Variants in SAMM50 observed in about 807,000 individuals in gnomAD.
SAMM50 encodes the protein sorting and assembly machinery component 50 homolog.
A neutral mutation model predicts 66.9 loss-of-function variants in SAMM50; 47 were observed. The ratio of observed to expected loss-of-function variants is 0.70; its 90% CI spans 0.56 to 0.90. The LOEUF is 0.90. Ranked by LOEUF, SAMM50 falls within the 40% of genes least tolerant of loss-of-function variation. The pLI, the probability that SAMM50 is intolerant of heterozygous loss-of-function variation, is 0.00. For missense variants in SAMM50, 535 were observed against 595.3 expected, an observed-to-expected ratio of 0.90 and a Z score of 1.05; for synonymous variants, 191 against 214.1, an observed-to-expected ratio of 0.89 and a Z score of 0.94.
intron 14 of SAMM50, among the ~76,000 whole-genome samples, chr22:43,992,184 C>T (rs2050328307): frequency 6.6e-6 from 1 of 152,194 alleles, no homozygotes; most frequent in Admixed American, 6.5e-5. Context: ...TTTTTACTCT[C>T]TCCGTCTTCC....
At chr22:43,985,610 A>G (rs2050288245) in intron 12 of SAMM50, among the ~76,000 whole-genome samples, 1 of 152,084 alleles carries the variant, frequency 6.6e-6, no homozygotes, top group African/African-American at 2.4e-5. Context: ...GCCGAAGGAC[A>G]GCTTGGTTGC....
chr22:43,996,321 C>T lies in SAMM50; in HGVS notation c.1365-17C>T, dbSNP rs1425181228. On this transcript the variant is annotated splice_polypyrimidine_tract_variant and intron_variant, in intron 14 of 14. Coordinates refer to ENST00000350028, the MANE Select transcript of SAMM50 (RefSeq NM_015380.5). ...TGGCGGAGCGGCCGCCGCATCTGAT[C>T]TCTCCCCTTTTTTTAGGATATGTGA... The T allele has an allele frequency of 1.9e-6, 3 of 1,613,956 alleles. No individual in the cohort carries two copies. The highest frequency in any genetic ancestry group is 2.5e-6 in the Non-Finnish European group (3 of 1,179,872).
chr22:43,981,899 T>A (rs762188712), intron 11 of SAMM50, among the ~76,000 whole-genome samples: 16 of 152,256 alleles, frequency 1.1e-4, no homozygotes, highest in Non-Finnish European at 2.2e-4. Flanking sequence ...AATTTGTGAT[T>A]TTTGTAAATA....
intron 3 of SAMM50, among the ~76,000 whole-genome samples, chr22:43,967,855 C>G (rs1286361525): frequency 6.6e-6 from 1 of 152,144 alleles, no homozygotes; most frequent in East Asian, 1.9e-4. Context: ...AGAATGGACT[C>G]CGTGCATCAG....
chr22:43,967,437 C>T (rs2050179141), intron 3 of SAMM50, among the ~76,000 whole-genome samples: 3 of 152,220 alleles, frequency 2.0e-5, no homozygotes, highest in South Asian at 2.1e-4. Context: ...GCTGCAGTTT[C>T]AGTAGCTTCT....
chr22:43,956,940 G>A (rs2050122508), intron 1 of SAMM50: 1 of 535,240 alleles, frequency 1.9e-6, no homozygotes. Flanking sequence ...TTGGTTACTA[G>A]CAAGTAGGTC....
intron 4 of SAMM50, among the ~76,000 whole-genome samples, chr22:43,969,636 G>A (rs2050193522): frequency 6.6e-6 from 1 of 152,230 alleles, no homozygotes; most frequent in South Asian, 2.1e-4. Flanking sequence ...CTGAAGGGGC[G>A]ATGTCTGAGC....
chr22:43,956,323 C>T (rs1039832885), intron 1 of SAMM50, among the ~76,000 whole-genome samples: 2 of 152,240 alleles, frequency 1.3e-5, no homozygotes, highest in African/African-American at 2.4e-5. Context: ...TCAGCCCCAA[C>T]ACTACTTTTC....
intron 9 of SAMM50, among the ~76,000 whole-genome samples, chr22:43,977,388 T>C (rs2050238125): frequency 6.6e-6 from 1 of 152,196 alleles, no homozygotes; most frequent in Non-Finnish European, 1.5e-5. Flanking sequence ...GGGGCTGCAC[T>C]GAACCTTGAG....
chr22:43,995,439 C>A (rs1404349880), intron 14 of SAMM50: 1 of 152,268 alleles, frequency 6.6e-6, no homozygotes, highest in East Asian at 1.9e-4. Context: ...TGTTCCCTGG[C>A]CCCGGCTGCG....
rs138081709 is a variant in SAMM50, at chr22:43,972,843, C to T, written c.430-28C>T. On this transcript the variant is annotated intron_variant, in intron 5 of 14. Coordinates refer to ENST00000350028, the MANE Select transcript of SAMM50 (RefSeq NM_015380.5). ...GTTCTCATTCCTTCAATGTAGACCA[C>T]TGCTATTTTTTTTTTTTCCCCTCCT... is the stretch of plus-strand genomic sequence containing the variant. 1.4e-4 allele frequency: 221 copies of T among 1,556,360 alleles called. 1 individual carries two copies. Among genetic ancestry groups the T allele is most frequent in the Non-Finnish European group, 1.9e-4 (215 of 1,156,590 alleles).
intron 9 of SAMM50, 127 bp from the exon 10 acceptor site, chr22:43,977,745 C>T (rs1000492778): frequency 1.6e-6 from 1 of 617,762 alleles, no homozygotes; most frequent in African/African-American, 1.9e-5. Context: ...TTCTAGGAGA[C>T]AGAATTTTCT....
intron 14 of SAMM50, among the ~76,000 whole-genome samples, chr22:43,995,006 A>G (rs753728238): frequency 1.2e-4 from 18 of 152,162 alleles, no homozygotes; most frequent in Admixed American, 1.3e-4. Context: ...GTAGGTATAG[A>G]CTAGTTTGAA....
At chr22:43,987,900 A>ATG (rs1191330263) in intron 12 of SAMM50, 1 of 149,994 alleles carries the variant, frequency 6.7e-6, no homozygotes, top group Non-Finnish European at 1.5e-5. Flanking sequence ...GAAACTGTGT[A>ATG]TATATATATA....
Position 43,955,452 on chromosome 22 carries a change from G to C in SAMM50, c.-126G>C, listed in dbSNP as rs1262100852. On this transcript the variant is annotated 5_prime_UTR_variant, in exon 1 of 15. Coordinates refer to ENST00000350028, the MANE Select transcript of SAMM50 (RefSeq NM_015380.5). The stretch of plus-strand genomic sequence containing the variant: ...ATCATGGCCGCCCCCAGTGTTCCGC[G>C]TCCGGGGGTTTGTGGGAGTTGCCTT... The C allele has an allele frequency of 8.9e-7, 1 of 1,121,112 alleles. No individual in the cohort carries two copies. The highest frequency in any genetic ancestry group is 1.3e-6 in the Non-Finnish European group (1 of 767,224). 69.4% of individuals were successfully genotyped at this position (1,121,112 alleles called of 1,614,324 possible). A position where few individuals can be genotyped will look rare whatever the true frequency, so the allele number is the denominator to read the frequency against.
rs571662938 is a variant in SAMM50 at position 43,968,581 on chromosome 22, C to T, written c.235-150C>T. On this transcript the variant is annotated intron_variant, in intron 3 of 14. Coordinates refer to ENST00000350028, the MANE Select transcript of SAMM50 (RefSeq NM_015380.5). ...GTTGCCCCTGTGGTGCTTTTCCCTT[C>T]TGTCATGTGGCTGGTCTTGGTAGTG... 6.6e-6 allele frequency: 4 copies of T among 609,514 alleles called. No homozygotes were observed. The South Asian group carries it at 7.7e-5, about 12-fold the overall frequency. The allele number at this position is 609,514 out of a possible 1,614,324, so 37.8% of individuals were successfully genotyped here.
chr22:43,966,353 G>A (rs1359382607), intron 3 of SAMM50, among the ~76,000 whole-genome samples: 1 of 151,978 alleles, frequency 6.6e-6, no homozygotes. Context: ...GATTGCACAA[G>A]TCCACTGTCT....
intron 14 of SAMM50, among the ~76,000 whole-genome samples, chr22:43,993,789 G>A (rs546560032): frequency 2.0e-4 from 30 of 152,332 alleles, no homozygotes; most frequent in Non-Finnish European, 4.1e-4. Flanking sequence ...TGGCAGGATG[G>A]GGTATCGTGT....
intron 10 of SAMM50, 80 bp from the exon 11 acceptor site, chr22:43,981,311 G>A (rs758444690): frequency 9.0e-7 from 1 of 1,106,396 alleles, no homozygotes; most frequent in Non-Finnish European, 1.4e-6. Context: ...CATTCAGTGT[G>A]TGGCCAGTTG....
Sources: allele counts gnomAD v4.1 joint callset (sites outside exome capture counted in the v4.1 genomes callset), GRCh38; gene constraint gnomAD v4.1.1; transcripts MANE v1.5; gene names NCBI Gene and HGNC (gene_info 2026-07-23, HGNC 2026-07-21).